Variants in RAI1 observed in about 807,000 individuals in gnomAD.
RAI1 encodes the protein retinoic acid induced 1.
A neutral mutation model predicts 123.8 loss-of-function variants in RAI1; 9 were observed. The observed-to-expected ratio is 0.07, with a 90% confidence interval of 0.04 to 0.13. RAI1 has a LOEUF of 0.13. Among genes scored for constraint, RAI1 ranks in the 10% least tolerant of loss-of-function variants. RAI1 has a pLI of 1.00. For missense variants in RAI1, 2,256 were observed against 2,545.8 expected (o/e 0.89, Z 2.45); for synonymous variants, 1,231 against 1,127.3 (o/e 1.09, Z -1.84).
chr17:17,739,579 A>AG (rs1916550733), intron 2 of RAI1, among the ~76,000 whole-genome samples: 1 of 152,184 alleles, frequency 6.6e-6, no homozygotes, highest in South Asian at 2.1e-4. Flanking sequence ...CCTGCCTTCC[A>AG]GAGCTAAGAA....
chr17:17,691,113 G>C (rs533761162), intron 1 of RAI1, among the ~76,000 whole-genome samples: 1 of 152,218 alleles, frequency 6.6e-6, no homozygotes, highest in African/African-American at 2.4e-5. Context: ...ACTCATTCAA[G>C]GGGGCTCTGT....
intron 1 of RAI1, among the ~76,000 whole-genome samples, chr17:17,691,330 C>T (rs934484620): frequency 2.0e-5 from 3 of 152,132 alleles, no homozygotes; most frequent in African/African-American, 4.8e-5. Context: ...GTCCATGTGC[C>T]GAGGGTTGAG....
intron 1 of RAI1, among the ~76,000 whole-genome samples, chr17:17,710,294 A>C (rs1250734999): frequency 6.6e-6 from 1 of 152,142 alleles, no homozygotes; most frequent in East Asian, 1.9e-4. Context: ...CACGCCCCTC[A>C]CCTACCCAGG....
chr17:17,795,177 C>G lies in RAI1; in HGVS notation c.2229C>G (p.Pro743=). The G allele has an allele frequency of 6.2e-7, 1 of 1,614,092 alleles. No individual in the cohort carries two copies. The highest frequency in any genetic ancestry group is 8.5e-7 in the Non-Finnish European group (1 of 1,180,040). The change falls in exon 3 of 6, where the codon CCC becomes CCG. Residue 743 remains proline, a synonymous_variant. Transcript: ENST00000353383. The surrounding 1 kb of genome is among the most constrained non-coding windows in gnomAD (Gnocchi z 5.9). ...TAASSADSAN[P]FAWPEENLGD... ...CCAGCTCAGCGGACAGCGCCAACCC[C>G]TTTGCCTGGCCAGAGGAAAACCTGG...
intron 1 of RAI1, among the ~76,000 whole-genome samples, chr17:17,687,630 G>A (rs1444234851): frequency 6.6e-6 from 1 of 152,154 alleles, no homozygotes; most frequent in Non-Finnish European, 1.5e-5. Flanking sequence ...TCGGAATCAG[G>A]AAAAGTGGTT....
At chr17:17,777,111 A>G (rs1000900907) in intron 2 of RAI1, 1 of 152,038 alleles carries the variant, frequency 6.6e-6, no homozygotes, top group Non-Finnish European at 1.5e-5. Flanking sequence ...CAGCTAGGGG[A>G]TCCCGTGTTT....
intron 2 of RAI1, among the ~76,000 whole-genome samples, chr17:17,751,295 G>C (rs2030158896): frequency 2.0e-5 from 3 of 152,182 alleles, no homozygotes; most frequent in Admixed American, 2.0e-4. Context: ...AGACTGAAAA[G>C]GAAAGGCATG....
In RAI1 at chr17:17,795,624, A is replaced by G. The variant is rs1475351487; in HGVS notation, c.2676A>G (p.Ser892=). 1 of 1,613,148 alleles carries G rather than the reference A, an allele frequency of 6.2e-7. No homozygotes were observed. ...GGCCTGGCATGCAGGACCCGCTGTC[A>G]CCCAAGGCCCCACTCATCTGCACCA... is the stretch of plus-strand genomic sequence containing the variant. ...EQRPGMQDPL[S]PKAPLICTKE... The change falls in exon 3 of 6, where the codon TCA becomes TCG. Residue 892 remains serine, a synonymous_variant. Transcript: ENST00000353383. The surrounding 1 kb of genome is among the most constrained non-coding windows in gnomAD (Gnocchi z 5.9).
intron 2 of RAI1, among the ~76,000 whole-genome samples, chr17:17,774,328 G>A (rs774846033): frequency 1.3e-5 from 2 of 152,258 alleles, no homozygotes; most frequent in Admixed American, 6.5e-5. Context: ...AGCAGTGGGC[G>A]TCAGGTACTC....
intron 1 of RAI1, among the ~76,000 whole-genome samples, chr17:17,723,517 C>T (rs1915958408): frequency 1.3e-5 from 2 of 151,872 alleles, no homozygotes. Context: ...ATACACACGC[C>T]TGCGCGCGCG....
intron 2 of RAI1, among the ~76,000 whole-genome samples, chr17:17,756,383 G>C (rs532129286): frequency 6.6e-6 from 1 of 152,094 alleles, no homozygotes; most frequent in South Asian, 2.1e-4. Context: ...TTTTATTAGA[G>C]ACAGGGTTTC....
intron 4 of RAI1, among the ~76,000 whole-genome samples, chr17:17,808,469 A>T (rs2143006286): frequency 7.2e-6 from 1 of 138,142 alleles, no homozygotes; most frequent in African/African-American, 3.0e-5. Flanking sequence ...TTCATCTCAG[A>T]CAGGGCCTGG....
At chr17:17,703,154 T>A (rs559629240) in intron 1 of RAI1, among the ~76,000 whole-genome samples, 1 of 152,060 alleles carries the variant, frequency 6.6e-6, no homozygotes, top group Non-Finnish European at 1.5e-5. Context: ...CCCCCAGGAG[T>A]TGGACAGCGG....
chr17:17,724,476 T>C (rs899891727), intron 2 of RAI1, among the ~76,000 whole-genome samples: 32 of 146,134 alleles, frequency 2.2e-4, no homozygotes. Context: ...CCCTCCCCTT[T>C]CCTCCACAAA....
chr17:17,681,830 T>C (rs1355517373), intron 1 of RAI1, 37 bp downstream of exon 1: 3 of 280,740 alleles, frequency 1.1e-5, no homozygotes, highest in Admixed American at 5.3e-5. Flanking sequence ...GGGCGCAGTG[T>C]ATCCTGCCCC....
At chr17:17,720,237 G>A (rs1915837390) in intron 1 of RAI1, among the ~76,000 whole-genome samples, 1 of 152,214 alleles carries the variant, frequency 6.6e-6, no homozygotes, top group African/African-American at 2.4e-5. Flanking sequence ...AGCAGCTATT[G>A]AGATAGTGCT....
chr17:17,783,008 C>T (rs999822467), intron 2 of RAI1, among the ~76,000 whole-genome samples: 1 of 116,832 alleles, frequency 8.6e-6, no homozygotes, highest in African/African-American at 3.4e-5. Flanking sequence ...CAAGGAACAG[C>T]TGCTTCACTC....
chr17:17,740,662 A>G (rs1204628991), intron 2 of RAI1, among the ~76,000 whole-genome samples: 2 of 152,138 alleles, frequency 1.3e-5, no homozygotes, highest in African/African-American at 4.8e-5. Context: ...AGCAAAGCTG[A>G]CTTGGCTGCA....
intron 2 of RAI1, among the ~76,000 whole-genome samples, chr17:17,792,143 C>T (rs2032031633): frequency 6.6e-6 from 1 of 152,190 alleles, no homozygotes; most frequent in East Asian, 1.9e-4. Context: ...TCTGTTTATG[C>T]ACGTATGATA....
Sources: gnomAD v4.1 joint callset for allele counts (sites outside exome capture counted in the v4.1 genomes callset) on GRCh38, gnomAD v4.1.1 for gene constraint, Gnocchi (gnomAD v3.1) non-coding constraint, MANE v1.5 for transcripts, NCBI Gene and HGNC (gene_info 2026-07-23, HGNC 2026-07-21) for gene names.